PIP4P1: variants seen among roughly 807,000 people sequenced by gnomAD.
The protein encoded by PIP4P1 is type 1 phosphatidylinositol 4,5-bisphosphate 4-phosphatase.
In PIP4P1, 14 loss-of-function variants were observed where a neutral mutation model predicts 32.3. That is an observed-to-expected ratio of 0.43 (90% CI 0.29 to 0.68). PIP4P1 has a LOEUF of 0.68. Among genes scored for constraint, PIP4P1 ranks in the 30% least tolerant of loss-of-function variants. The pLI is 0.15. For missense variants in PIP4P1, 289 were observed against 364.5 expected, an observed-to-expected ratio of 0.79 and a Z score of 1.69; for synonymous variants, 132 against 137.9, an observed-to-expected ratio of 0.96 and a Z score of 0.30.
chr14:20,461,385 GCCGCAGCCACCGCCA>G lies in PIP4P1; in HGVS notation c.-75_-61del, dbSNP rs1881708393. Reference sequence around the variant, plus strand: ...TCCGGCTCCCTTCGCCTCTGCCGTCGCCGCAGCCACCGCCACCGCCGCCACCGCCACCGCCGCTAC... The same window carrying G: ...TCCGGCTCCCTTCGCCTCTGCCGTCGCCGCCGCCACCGCCACCGCCGCTAC... On this transcript the variant is annotated 5_prime_UTR_variant, in exon 1 of 7. Transcript: ENST00000250489. 3 of 1,236,980 alleles carry G rather than the reference GCCGCAGCCACCGCCA, an allele frequency of 2.4e-6. No individual in the cohort carries two copies. Among genetic ancestry groups the G allele is most frequent in the South Asian group, 3.9e-5 (1 of 25,534 alleles). 76.6% of individuals were successfully genotyped at this position (1,236,980 alleles called of 1,614,324 possible). A position where few individuals can be genotyped will look rare whatever the true frequency, so the allele number is the denominator to read the frequency against.
In PIP4P1 at chr14:20,459,396, G is replaced by C; in HGVS notation, c.591C>G (p.Cys197Trp). The C allele has an allele frequency of 3.1e-6, 5 of 1,614,166 alleles. No homozygotes were observed. The highest frequency in any genetic ancestry group is 4.2e-6 in the Non-Finnish European group (5 of 1,180,036). The part of the protein sequence containing the change: ...TDRTLARCPH[C>W]RKVSSIGRRY... Reference sequence around the variant, plus strand: ...AATCCCTAATCACTTACACTTTCCTGCAGTGAGGACAACGTGCCAAAGTGC... The same window carrying C: ...AATCCCTAATCACTTACACTTTCCTCCAGTGAGGACAACGTGCCAAAGTGC... The change falls in exon 5 of 7, where the codon TGC (cysteine) becomes TGG (tryptophan). Residue 197 changes from cysteine to tryptophan, a missense_variant. This residue lies in a region of PIP4P1 where 181 missense variants were observed against 263.3 expected (regional missense o/e 0.69). Transcript: ENST00000250489.
In PIP4P1 at chr14:20,458,676, T is replaced by C. The variant is rs1281379125; in HGVS notation, c.717A>G (p.Arg239=). 6 of 1,613,284 alleles carry C rather than the reference T, an allele frequency of 3.7e-6. No individual in the cohort carries two copies. Among genetic ancestry groups the C allele is most frequent in the Non-Finnish European group, 5.1e-6 (6 of 1,179,776 alleles). ...CCCAGGCTGCATAGATGCCTCCATA[T>C]CGCCGTGCATGCTTCCATGTGCCAA... ...LAFGTWKHAR[R]YGGIYAAWAF... is the part of the protein sequence containing the mutation. The change falls in exon 7 of 7, where the codon CGA becomes CGG. Residue 239 remains arginine, a synonymous_variant. Coordinates refer to ENST00000250489, the MANE Select transcript of PIP4P1 (RefSeq NM_144568.4).
At chr14:20,458,887 A>G in intron 6 of PIP4P1, 185 bp from the exon 7 acceptor site, 1 of 710,448 alleles carries the variant, frequency 1.4e-6, no homozygotes, top group South Asian at 2.0e-5. Context: ...GGCGTAACAT[A>G]CTCATCCCAT....
chr14:20,460,518 G>T, intron 2 of PIP4P1, 137 bp downstream of exon 2: 1 of 923,822 alleles, frequency 1.1e-6, no homozygotes, highest in Non-Finnish European at 1.6e-6. Context: ...GGAAATGGCT[G>T]TGTGAGACAC....
chr14:20,457,698 A>C lies in PIP4P1; in HGVS notation c.*861T>G. Reference sequence around the variant, plus strand: ...TTTGAGGGTTTTTTGTTTTTTAAAAAAAAATTGAACAAAGACTACTAATGA... The same window carrying C: ...TTTGAGGGTTTTTTGTTTTTTAAAACAAAATTGAACAAAGACTACTAATGA... On this transcript the variant is annotated 3_prime_UTR_variant, in exon 7 of 7. Coordinates refer to ENST00000250489, the MANE Select transcript of PIP4P1 (RefSeq NM_144568.4). 3 of 759,642 alleles carry C rather than the reference A, an allele frequency of 3.9e-6. No homozygotes were observed. The highest frequency in any genetic ancestry group is 6.3e-6 in the Non-Finnish European group (3 of 478,178). The allele number at this position is 759,642 out of a possible 1,614,324, so 47.1% of individuals were successfully genotyped here. A position where few individuals can be genotyped will look rare whatever the true frequency, so the allele number is the denominator to read the frequency against.
chr14:20,458,406 G>T lies in PIP4P1; in HGVS notation c.*153C>A. On this transcript the variant is annotated 3_prime_UTR_variant, in exon 7 of 7. Transcript: ENST00000250489. ...TCTGCCCCTCCAAACCTAAGTGAGG[G>T]CCTGGTTCCTTCCTACCTCTCCCCA... is the stretch of plus-strand genomic sequence containing the variant. 9.3e-7 allele frequency: 1 copy of T among 1,075,650 alleles called. No individual in the cohort carries two copies. The highest frequency in any genetic ancestry group is 1.4e-6 in the Non-Finnish European group (1 of 724,822). 66.6% of individuals were successfully genotyped at this position (1,075,650 alleles called of 1,614,324 possible). A position where few individuals can be genotyped will look rare whatever the true frequency, so the allele number is the denominator to read the frequency against.
In PIP4P1 at chr14:20,458,661, A is replaced by G. The variant is rs201678318; in HGVS notation, c.732T>C (p.Tyr244=). 1.2e-6 allele frequency: 2 copies of G among 1,614,176 alleles called. No homozygotes were observed. The highest frequency in any genetic ancestry group is 4.5e-5 in the East Asian group (2 of 44,890). ...ACAGGATGACAAATGCCCAGGCTGC[A>G]TAGATGCCTCCATATCGCCGTGCAT... ...WKHARRYGGI[Y]AAWAFVILLA... is the part of the protein sequence containing the mutation. Residue 244 remains tyrosine, a synonymous_variant, in exon 7 of 7, where the codon TAT becomes TAC. Transcript: ENST00000250489.
At position 20,461,313 on chromosome 14, in the gene PIP4P1, C is replaced by T; in HGVS notation, c.13G>A (p.Gly5Arg). 1 of 1,289,022 alleles carries T rather than the reference C, an allele frequency of 7.8e-7. No homozygotes were observed. Among genetic ancestry groups the T allele is most frequent in the African/African-American group, 1.5e-5 (1 of 66,210 alleles). 79.8% of individuals were successfully genotyped at this position (1,289,022 alleles called of 1,614,324 possible). A position where few individuals can be genotyped will look rare whatever the true frequency, so the allele number is the denominator to read the frequency against. The part of the protein sequence containing the change: MAAD[G>R]ERSPLLSEPI... Reference sequence around the variant, plus strand: ...TCAGACAGCAGCGGGGAACGCTCTCCATCTGCCGCCATGGCCGCCACCGCC... The same window carrying T: ...TCAGACAGCAGCGGGGAACGCTCTCTATCTGCCGCCATGGCCGCCACCGCC... The change falls in exon 1 of 7, where the codon GGA (glycine) becomes AGA (arginine). Residue 5 changes from glycine (G) to arginine (R), a missense_variant. Physicochemically the swap from Gly to Arg is moderately radical, Grantham distance 125. Transcript: ENST00000250489.
At chr14:20,460,012 T>C (rs1015442308) in intron 3 of PIP4P1, 180 bp downstream of exon 3, 4 of 643,784 alleles carry the variant, frequency 6.2e-6, no homozygotes, top group African/African-American at 3.6e-5. Flanking sequence ...CATCATTTCA[T>C]CTCAATATTT....
intron 2 of PIP4P1, 52 bp downstream of exon 2, chr14:20,460,603 C>CT: frequency 6.3e-7 from 1 of 1,586,592 alleles, no homozygotes; most frequent in Non-Finnish European, 8.6e-7. Context: ...ACCAAGACAT[C>CT]AGAAAGAGGA....
rs201529818 is a variant in PIP4P1, at chr14:20,459,211, G to A, written c.685C>T (p.Leu229Phe). Residue 229 changes from leucine to phenylalanine, a missense_variant, in exon 6 of 7, where the codon CTT becomes TTT. Coordinates refer to ENST00000250489, the MANE Select transcript of PIP4P1 (RefSeq NM_144568.4). ...GLLLAVTATG[L>F]AFGTWKHARR... The stretch of plus-strand genomic sequence containing the variant: ...GTTGGGGCAAGGGTACTCACGGCAA[G>A]GCCAGTGGCAGTGACTGCCAAAAGC... 69 of 1,614,044 alleles carry A rather than the reference G, an allele frequency of 4.3e-5. No homozygotes were observed. The highest frequency in any genetic ancestry group is 1.2e-5 in the Non-Finnish European group (14 of 1,180,036).
rs1881584828 is a variant in PIP4P1, at chr14:20,458,982, GTCCTA to G, written c.690+219_690+223del. On this transcript the variant is annotated intron_variant, in intron 6 of 6. Coordinates refer to ENST00000250489, the MANE Select transcript of PIP4P1 (RefSeq NM_144568.4). The stretch of plus-strand genomic sequence containing the variant: ...CAACTCTTAAATTAAGAATTTCACT[GTCCTA>G]TCCTCATCCTACAGAGAAAGGAAGG... 43 of 632,252 alleles carry G rather than the reference GTCCTA, an allele frequency of 6.8e-5. 1 individual carries two copies. The South Asian group carries it at 7.8e-4, about 11-fold the overall frequency. 39.2% of individuals were successfully genotyped at this position (632,252 alleles called of 1,614,324 possible).
Position 20,458,632 on chromosome 14 carries a change from G to A in PIP4P1, c.761C>T (p.Ala254Val), listed in dbSNP as rs756229957. 5 of 1,614,092 alleles carry A rather than the reference G, an allele frequency of 3.1e-6. No homozygotes were observed. The highest frequency in any genetic ancestry group is 3.3e-5 in the Admixed American group (2 of 60,006). Reference sequence around the variant, plus strand: ...AAGAGCCCGGCCCAAACACAGCACAGCCAACAGGATGACAAATGCCCAGGC... The same window carrying A: ...AAGAGCCCGGCCCAAACACAGCACAACCAACAGGATGACAAATGCCCAGGC... Reference protein sequence around the residue: ...YAAWAFVILLAVLCLGRALYW... With the variant: ...YAAWAFVILLVVLCLGRALYW... Residue 254 changes from alanine (A) to valine (V), a missense_variant, in exon 7 of 7, where the codon GCT becomes GTT. Around this residue, in one of 2 missense-constraint regions of PIP4P1, gnomAD observed 181 missense variants for 263.3 expected, o/e 0.69. Coordinates refer to ENST00000250489, the MANE Select transcript of PIP4P1 (RefSeq NM_144568.4).
In PIP4P1 at chr14:20,458,076, C is replaced by G. The variant is rs975518829; in HGVS notation, c.*483G>C. The G allele has an allele frequency of 2.3e-5, 8 of 352,784 alleles. No homozygotes were observed. Among genetic ancestry groups the G allele is most frequent in the African/African-American group, 4.3e-5 (2 of 46,694 alleles). The allele number at this position is 352,784 out of a possible 1,614,324, so 21.9% of individuals were successfully genotyped here. A position where few individuals can be genotyped will look rare whatever the true frequency, so the allele number is the denominator to read the frequency against. On this transcript the variant is annotated 3_prime_UTR_variant, in exon 7 of 7. Coordinates refer to ENST00000250489, the MANE Select transcript of PIP4P1 (RefSeq NM_144568.4). Reference sequence around the variant, plus strand: ...GGTTCTGTACAGAGCAGCGGCTGACCCCACCCCCACAGGACACAATGTGGG... The same window carrying G: ...GGTTCTGTACAGAGCAGCGGCTGACGCCACCCCCACAGGACACAATGTGGG...
chr14:20,460,213 A>G lies in PIP4P1; in HGVS notation c.419T>C (p.Ile140Thr). The G allele has an allele frequency of 1.2e-6, 2 of 1,614,040 alleles. No individual in the cohort carries two copies. Among genetic ancestry groups the G allele is most frequent in the Non-Finnish European group, 1.7e-6 (2 of 1,179,978 alleles). The change falls in exon 3 of 7, where the codon ATT becomes ACT. Residue 140 changes from isoleucine (I) to threonine (T), a missense_variant. By Grantham distance (89) the Ile-to-Thr change is moderately conservative (BLOSUM62 -1). Around this residue, in one of 2 missense-constraint regions of PIP4P1, gnomAD observed 181 missense variants for 263.3 expected, o/e 0.69. Transcript: ENST00000250489. ...LLICKVTSQR[I>T]ACPRPYCKRI... ...TTACCAGTAGGGCCGAGGGCATGCA[A>G]TCCGTTGGGATGTCACTTTGCAGAT... is the stretch of plus-strand genomic sequence containing the variant.
At position 20,460,179 on chromosome 14, in the gene PIP4P1, T is replaced by TTA. The variant is rs1218605812; in HGVS notation, c.440+11_440+12dup. ...TTCCCCACTTAGGCCCTTCCCCACC[T>TTA]TATGCCTCTTACCAGTAGGGCCGAG... On this transcript the variant is annotated intron_variant, in intron 3 of 6. Coordinates refer to ENST00000250489, the MANE Select transcript of PIP4P1 (RefSeq NM_144568.4). The TTA allele has an allele frequency of 6.2e-7, 1 of 1,603,924 alleles. No individual in the cohort carries two copies. The highest frequency in any genetic ancestry group is 1.7e-5 in the Admixed American group (1 of 60,016).
At chr14:20,461,128 AC>A in intron 1 of PIP4P1, 55 bp downstream of exon 1, 1 of 1,265,014 alleles carries the variant, frequency 7.9e-7, no homozygotes, top group Non-Finnish European at 1.0e-6. Flanking sequence ...CTTTCAGAGT[AC>A]CCCGGGGAGC....
At chr14:20,460,582 C>G in intron 2 of PIP4P1, 73 bp downstream of exon 2, 1 of 1,517,026 alleles carries the variant, frequency 6.6e-7, no homozygotes, top group Non-Finnish European at 8.9e-7. Flanking sequence ...GCCGGAAGGT[C>G]AGGGTCTAGA....
At position 20,460,767 on chromosome 14, in the gene PIP4P1, G is replaced by C. The variant is rs1881672187; in HGVS notation, c.221C>G (p.Pro74Arg). 1 of 1,610,854 alleles carries C rather than the reference G, an allele frequency of 6.2e-7. No homozygotes were observed. The highest frequency in any genetic ancestry group is 1.3e-5 in the African/African-American group (1 of 74,802). The change falls in exon 2 of 7, where the codon CCG (proline) becomes CGG (arginine). Residue 74 changes from proline to arginine, a missense_variant. Pro to Arg is a moderately radical substitution (Grantham distance 103). This residue lies in a region of PIP4P1 where 181 missense variants were observed against 263.3 expected (regional missense o/e 0.69). Transcript: ENST00000250489. ...DPPPYSPLTS[P>R]DSGSAPMITC... ...GATCATAGGGGCACTCCCACTGTCC[G>C]GGCTAGTTAAGGGTGAATAGGGGGG...
Sources: gnomAD v4.1 joint callset for allele counts on GRCh38, gnomAD v4.1.1 for gene constraint, gnomAD v4.1.1 regional missense constraint, MANE v1.5 for transcripts, NCBI Gene and HGNC (gene_info 2026-07-23, HGNC 2026-07-21) for gene names.